GLI2: variants seen among roughly 807,000 people sequenced by gnomAD.
The protein encoded by GLI2 is GLI family zinc finger 2.
GLI2 carries 22 observed loss-of-function variants against 78.9 expected under a neutral mutation model. That is an observed-to-expected ratio of 0.28 (90% confidence interval 0.20 to 0.40). GLI2 has a LOEUF of 0.40. Ranked by LOEUF, GLI2 falls within the 10% of genes least tolerant of loss-of-function variation. GLI2 has a pLI of 1.00. For missense variants in GLI2, 2,097 were observed against 2,213.2 expected, an observed-to-expected ratio of 0.95 and a Z score of 1.05; for synonymous variants, 974 against 963.7, an observed-to-expected ratio of 1.01 and a Z score of -0.20.
At chr2:120,877,495 C>T (rs1688814682) in intron 2 of GLI2, among the ~76,000 whole-genome samples, 1 of 152,162 alleles carries the variant, frequency 6.6e-6, no homozygotes, top group African/African-American at 2.4e-5. Context: ...TGACCATGAG[C>T]CGAAGCCCCC....
chr2:120,783,900 T>A (rs1344705592), intron 1 of GLI2, among the ~76,000 whole-genome samples: 2 of 152,236 alleles, frequency 1.3e-5, no homozygotes, highest in African/African-American at 2.4e-5. Context: ...TGGTAGAATT[T>A]CAGGTGGGGA....
At chr2:120,963,149 C>T (rs953580759) in intron 5 of GLI2, among the ~76,000 whole-genome samples, 8 of 152,212 alleles carry the variant, frequency 5.3e-5, no homozygotes, top group African/African-American at 1.9e-4. Flanking sequence ...TGCTGCCCTT[C>T]ACTCCATTAT....
chr2:120,759,062 G>T (rs1242029618), intron 1 of GLI2, among the ~76,000 whole-genome samples: 1 of 152,184 alleles, frequency 6.6e-6, no homozygotes, highest in Non-Finnish European at 1.5e-5. Flanking sequence ...TGGAGCTGTG[G>T]TTGGCCATGT....
chr2:120,769,329 T>C (rs1376694837), intron 1 of GLI2, among the ~76,000 whole-genome samples: 1 of 152,222 alleles, frequency 6.6e-6, no homozygotes, highest in Non-Finnish European at 1.5e-5. Flanking sequence ...GGGCAGCAAG[T>C]ACTGTCCCAG....
At chr2:120,863,871 G>A (rs545243556) in intron 2 of GLI2, among the ~76,000 whole-genome samples, 65 of 152,294 alleles carry the variant, frequency 4.3e-4, no homozygotes, top group Middle Eastern at 3.4e-3. Context: ...CTTGGAGGAG[G>A]AGTTGATGGG....
chr2:120,925,939 G>A (rs1433164631), intron 2 of GLI2, among the ~76,000 whole-genome samples: 1 of 151,986 alleles, frequency 6.6e-6, no homozygotes, highest in Non-Finnish European at 1.5e-5. Flanking sequence ...CGGGCGTGGT[G>A]TCGGGCACCT....
At chr2:120,960,433 C>T (rs1681498466) in intron 5 of GLI2, among the ~76,000 whole-genome samples, 1 of 152,188 alleles carries the variant, frequency 6.6e-6, no homozygotes, top group Non-Finnish European at 1.5e-5. Context: ...CCTGCAGGGC[C>T]TTGTCCCCAG....
intron 1 of GLI2, among the ~76,000 whole-genome samples, chr2:120,756,877 G>A (rs1683047287): frequency 6.6e-6 from 1 of 152,066 alleles, no homozygotes; most frequent in Non-Finnish European, 1.5e-5. Context: ...CTCCTTTGGG[G>A]ACTCCAGTTA....
In GLI2 at chr2:120,773,040, C is replaced by T. The variant is rs78262014; in HGVS notation, c.-30-24251C>T. 5.4e-3 allele frequency among the ~76,000 whole-genome samples: 828 copies of T among 152,280 alleles called. 6 individuals are homozygous for T. Among genetic ancestry groups the T allele is most frequent in the South Asian group, 8.1e-3 (39 of 4,822 alleles). ...CTGATATCCCATTGTGTGGACATGC[C>T]GTGATTACTTAACCAGCCCCTTATT... On this transcript the variant is annotated intron_variant, in intron 1 of 13. Coordinates refer to ENST00000361492, the MANE Select transcript of GLI2 (RefSeq NM_001374353.1).
chr2:120,812,514 G>T (rs574232127), intron 2 of GLI2, among the ~76,000 whole-genome samples: 2 of 152,268 alleles, frequency 1.3e-5, no homozygotes, highest in Admixed American at 6.5e-5. Flanking sequence ...AGGGGTTTTC[G>T]AAGGACTGAC....
chr2:120,939,208 G>A (rs1680337957), intron 3 of GLI2, among the ~76,000 whole-genome samples: 1 of 152,136 alleles, frequency 6.6e-6, no homozygotes, highest in East Asian at 1.9e-4. Context: ...CTTGAACCTA[G>A]GAGGCGGAAG....
chr2:120,923,989 G>C (rs1168964866), intron 2 of GLI2, among the ~76,000 whole-genome samples: 1 of 152,214 alleles, frequency 6.6e-6, no homozygotes, highest in Non-Finnish European at 1.5e-5. Context: ...AGACCTGGGT[G>C]AAGTTGCCTG....
In GLI2 at chr2:120,776,660, C is replaced by T. The variant is rs963687644; in HGVS notation, c.-30-20631C>T. On this transcript the variant is annotated intron_variant, in intron 1 of 13. Coordinates refer to ENST00000361492, the MANE Select transcript of GLI2 (RefSeq NM_001374353.1). Reference sequence around the variant, plus strand: ...CCAAGATCCAGGACCCAGGATTATCCCTGGACTCTGGTTCTCCAGTCCAGC... The same window carrying T: ...CCAAGATCCAGGACCCAGGATTATCTCTGGACTCTGGTTCTCCAGTCCAGC... Among the ~76,000 whole-genome samples, 6 of 152,116 alleles carry T rather than the reference C, an allele frequency of 3.9e-5. No homozygotes were observed. In the South Asian group the frequency reaches 6.2e-4, roughly 16 times the overall value.
chr2:120,831,915 CT>C (rs1176516127), intron 2 of GLI2, among the ~76,000 whole-genome samples: 1 of 152,236 alleles, frequency 6.6e-6, no homozygotes, highest in East Asian at 1.9e-4. Context: ...ATCACTTAGT[CT>C]CAGGGGCTGG....
intron 2 of GLI2, among the ~76,000 whole-genome samples, chr2:120,916,675 G>T (rs1679115040): frequency 6.6e-6 from 1 of 152,236 alleles, no homozygotes; most frequent in Non-Finnish European, 1.5e-5. Flanking sequence ...CTCTTACATT[G>T]AGCGAGTAGG....
intron 5 of GLI2, among the ~76,000 whole-genome samples, chr2:120,960,650 A>G (rs968870272): frequency 2.6e-5 from 4 of 152,256 alleles, no homozygotes; most frequent in Admixed American, 2.0e-4. Flanking sequence ...TCAAACCTAA[A>G]GTAACCTCAT....
chr2:120,881,650 T>G (rs1415370284), intron 2 of GLI2, among the ~76,000 whole-genome samples: 19 of 43,870 alleles, frequency 4.3e-4, no homozygotes, highest in East Asian at 7.8e-4. Context: ...AGGAGGGCAG[T>G]TTGGGGGAGG....
In GLI2 at chr2:120,753,915, C is replaced by CAA. The variant is rs1164921224; in HGVS notation, c.-31+17646_-31+17647dup. Among the ~76,000 whole-genome samples, 73 of 64,648 alleles carry CAA rather than the reference C, an allele frequency of 1.1e-3. 1 individual carries two copies. Among genetic ancestry groups the CAA allele is most frequent in the African/African-American group, 2.5e-3 (49 of 19,834 alleles). 42.4% of individuals were successfully genotyped at this position (64,648 alleles called of 152,430 possible). ...TGGGCGACAGAGGGAGACTCCATCTCAAAAAAAAAAAAAAAAACAACTATT... is the reference window on the plus strand; with the variant it reads ...TGGGCGACAGAGGGAGACTCCATCTCAAAAAAAAAAAAAAAAAAACAACTATT... On this transcript the variant is annotated intron_variant, in intron 1 of 13. Coordinates refer to ENST00000361492, the MANE Select transcript of GLI2 (RefSeq NM_001374353.1).
intron 2 of GLI2, among the ~76,000 whole-genome samples, chr2:120,885,051 T>A (rs531730908): frequency 6.6e-6 from 1 of 152,290 alleles, no homozygotes; most frequent in Admixed American, 6.5e-5. Context: ...GTCTGCTGAA[T>A]CCTCCCACCC....
Sources: gnomAD v4.1 joint callset for allele counts (sites outside exome capture counted in the v4.1 genomes callset) on GRCh38, gnomAD v4.1.1 for gene constraint, MANE v1.5 for transcripts, NCBI Gene and HGNC (gene_info 2026-07-23, HGNC 2026-07-21) for gene names.